Variants in ZRANB3 observed in about 807,000 individuals in gnomAD.
The protein encoded by ZRANB3 is DNA annealing helicase and endonuclease ZRANB3.
A neutral mutation model predicts 133.8 loss-of-function variants in ZRANB3; 125 were observed. The observed-to-expected ratio is 0.93, with a 90% CI of 0.81 to 1.08. ZRANB3 has a LOEUF of 1.08. Among genes scored for constraint, ZRANB3 ranks in the 50% least tolerant of loss-of-function variants. The pLI, the probability that ZRANB3 is intolerant of heterozygous loss-of-function variation, is 0.00. For synonymous variants in ZRANB3, 387 were observed against 432.7 expected, an observed-to-expected ratio of 0.89 and a Z score of 1.31; for missense variants, 1,229 against 1,275.5, an observed-to-expected ratio of 0.96 and a Z score of 0.56.
At chr2:135,396,808 C>T (rs1687511989) in intron 2 of ZRANB3, among the ~76,000 whole-genome samples, 1 of 151,720 alleles carries the variant, frequency 6.6e-6, no homozygotes, top group Admixed American at 6.6e-5. Context: ...ATAATTAAAA[C>T]AATATAATTG....
In ZRANB3 at chr2:135,313,528, C is replaced by A; in HGVS notation, c.927G>T (p.Gly309=). 3 of 1,613,786 alleles carry A rather than the reference C, an allele frequency of 1.9e-6. No homozygotes were observed. Among genetic ancestry groups the A allele is most frequent in the Non-Finnish European group, 1.7e-6 (2 of 1,179,758 alleles). ...TTTGTTTAAACATGCGAGTTATCAA[C>A]CCCATGACTGTCTCCATGGCACCTG... ...PNSGAMETVM[G]LITRMFKQTA... The change falls in exon 8 of 21, where the codon GGG becomes GGT. Residue 309 remains glycine (G), a synonymous_variant. Transcript: ENST00000264159.
intron 8 of ZRANB3, among the ~76,000 whole-genome samples, chr2:135,289,416 C>T (rs569661313): frequency 8.5e-5 from 13 of 152,140 alleles, no homozygotes; most frequent in South Asian, 2.1e-4. Flanking sequence ...CCACTGCGCA[C>T]GGCTAATTTT....
At chr2:135,462,740 C>G (rs1398788349) in intron 2 of ZRANB3, among the ~76,000 whole-genome samples, 1 of 151,912 alleles carries the variant, frequency 6.6e-6, no homozygotes, top group South Asian at 2.1e-4. Flanking sequence ...TTACAGGTGC[C>G]CACCATCACA....
In ZRANB3 at chr2:135,207,593, G is replaced by A. The variant is rs375010160; in HGVS notation, c.2850C>T (p.Asn950=). 7 of 1,613,892 alleles carry A rather than the reference G, an allele frequency of 4.3e-6. No individual in the cohort carries two copies. The African/African-American group carries it at 8.0e-5, about 18-fold the overall frequency. The change falls in exon 19 of 21, where the codon AAC becomes AAT. Residue 950 remains asparagine, a synonymous_variant. Coordinates refer to ENST00000264159, the MANE Select transcript of ZRANB3 (RefSeq NM_032143.4). ...CQEEFWIRSN[N]SYLRAKVFET... ...CAAATACTTTGGCTCTCAGGTAACT[G>A]TTATTAGATCGAATCCAAAACTCTT...
chr2:135,294,284 G>A (rs574136842), intron 8 of ZRANB3, among the ~76,000 whole-genome samples: 4 of 152,276 alleles, frequency 2.6e-5, no homozygotes, highest in South Asian at 4.2e-4. Flanking sequence ...CCTGTTATTG[G>A]TCTATTCAGG....
intron 17 of ZRANB3, among the ~76,000 whole-genome samples, chr2:135,212,993 A>G (rs1356637722): frequency 6.6e-6 from 1 of 152,232 alleles, no homozygotes; most frequent in Non-Finnish European, 1.5e-5. Flanking sequence ...TGAGACATTC[A>G]AAAGCTGACT....
intron 2 of ZRANB3, among the ~76,000 whole-genome samples, chr2:135,499,108 G>T (rs912566795): frequency 6.6e-6 from 1 of 152,014 alleles, no homozygotes; most frequent in East Asian, 1.9e-4. Flanking sequence ...TTGCAGCTTG[G>T]GGGGCATCAC....
At chr2:135,302,875 A>T (rs1682504248) in intron 8 of ZRANB3, among the ~76,000 whole-genome samples, 2 of 152,142 alleles carry the variant, frequency 1.3e-5, no homozygotes, top group Admixed American at 1.3e-4. Flanking sequence ...AGGTTCTCAT[A>T]TATGTTCTTT....
At chr2:135,466,814 A>C (rs1691020940) in intron 2 of ZRANB3, among the ~76,000 whole-genome samples, 1 of 151,952 alleles carries the variant, frequency 6.6e-6, no homozygotes, top group South Asian at 2.1e-4. Context: ...AGTAGCTGGG[A>C]ATACAGGCAC....
intron 2 of ZRANB3, among the ~76,000 whole-genome samples, chr2:135,479,867 A>C (rs1455948788): frequency 6.6e-6 from 1 of 152,114 alleles, no homozygotes. Flanking sequence ...ATCAGGCAGT[A>C]TGCAATTAAT....
At chr2:135,333,903 T>G (rs1212244052) in intron 6 of ZRANB3, among the ~76,000 whole-genome samples, 5 of 152,220 alleles carry the variant, frequency 3.3e-5, no homozygotes, top group Admixed American at 6.5e-5. Flanking sequence ...AAATGGTAAA[T>G]TTTGTTATGC....
At chr2:135,416,357 A>G (rs1688574524) in intron 2 of ZRANB3, among the ~76,000 whole-genome samples, 1 of 152,308 alleles carries the variant, frequency 6.6e-6, no homozygotes, top group East Asian at 1.9e-4. Flanking sequence ...TCCCATTCAC[A>G]ATTGCTTCAA....
rs111540860 is a variant in ZRANB3 at position 135,373,586 on chromosome 2, G to A, written c.180+17216C>T. Reference sequence around the variant, plus strand: ...GCGGACCACTTGAGGCCAGGAGTTCGAGACAAGCCTGGCCAACATGGCAAA... The same window carrying A: ...GCGGACCACTTGAGGCCAGGAGTTCAAGACAAGCCTGGCCAACATGGCAAA... On this transcript the variant is annotated intron_variant, in intron 3 of 20. Coordinates refer to ENST00000264159, the MANE Select transcript of ZRANB3 (RefSeq NM_032143.4). 5.3e-5 allele frequency among the ~76,000 whole-genome samples: 8 copies of A among 152,036 alleles called. No individual in the cohort carries two copies. The South Asian group carries it at 8.3e-4, about 16-fold the overall frequency.
chr2:135,204,410 A>G (rs1386393919), intron 19 of ZRANB3, among the ~76,000 whole-genome samples: 1 of 152,008 alleles, frequency 6.6e-6, no homozygotes. Flanking sequence ...GACAGACTCA[A>G]TAATTCAGAA....
At chr2:135,214,589 A>C (rs930599214) in intron 17 of ZRANB3, among the ~76,000 whole-genome samples, 5 of 152,256 alleles carry the variant, frequency 3.3e-5, no homozygotes, top group African/African-American at 4.8e-5. Context: ...TGAGAAAGAG[A>C]AGGTCAACAA....
intron 2 of ZRANB3, among the ~76,000 whole-genome samples, chr2:135,485,555 C>T (rs1692076505): frequency 6.6e-6 from 1 of 152,138 alleles, no homozygotes; most frequent in Admixed American, 6.6e-5. Flanking sequence ...CCCCTAGAGG[C>T]ACTGTGCAGG....
At chr2:135,240,313 T>A (rs970118114) in intron 12 of ZRANB3, among the ~76,000 whole-genome samples, 10 of 152,190 alleles carry the variant, frequency 6.6e-5, no homozygotes, top group African/African-American at 2.2e-4. Flanking sequence ...CCCTGTCTCT[T>A]AAAAACAAAA....
intron 8 of ZRANB3, among the ~76,000 whole-genome samples, chr2:135,303,157 T>C (rs999340111): frequency 2.6e-5 from 4 of 152,206 alleles, no homozygotes; most frequent in African/African-American, 9.6e-5. Flanking sequence ...AATCTATGTT[T>C]TGCATTTTCA....
intron 8 of ZRANB3, among the ~76,000 whole-genome samples, chr2:135,312,973 T>C (rs917255305): frequency 4.0e-5 from 6 of 150,364 alleles, no homozygotes; most frequent in African/African-American, 7.4e-5. Flanking sequence ...TGAGCTGAGA[T>C]TGAGCCACTG....
Sources: allele counts gnomAD v4.1 joint callset (sites outside exome capture counted in the v4.1 genomes callset), GRCh38; gene constraint gnomAD v4.1.1; transcripts MANE v1.5; gene names NCBI Gene and HGNC (gene_info 2026-07-23, HGNC 2026-07-21).